The following KCNQ1 variants were observed in gnomAD, a reference collection of about 807,000 sequenced individuals.
The protein encoded by KCNQ1 is potassium voltage-gated channel subfamily KQT member 1.
Under a neutral mutation model 72.4 loss-of-function variants are expected in KCNQ1, and 49 were observed. The ratio of observed to expected loss-of-function variants is 0.68; its 90% CI spans 0.54 to 0.86. KCNQ1 has a LOEUF of 0.86. Ranked by LOEUF, KCNQ1 falls within the 40% of genes least tolerant of loss-of-function variation. KCNQ1 has a pLI of 0.00. For synonymous variants in KCNQ1, 450 were observed against 412.6 expected, an observed-to-expected ratio of 1.09 and a Z score of -1.10; for missense variants, 790 against 945.1, an observed-to-expected ratio of 0.84 and a Z score of 2.15.
intron 11 of KCNQ1, among the ~76,000 whole-genome samples, chr11:2,714,613 A>G (rs187507700): frequency 7.0e-4 from 106 of 152,288 alleles, no homozygotes; most frequent in African/African-American, 2.3e-3. Flanking sequence ...CAGGCTTCAC[A>G]GAGGTGGAAT....
Position 2,621,219 on chromosome 11 carries a change from C to T in KCNQ1, c.1393+32365C>T. On this transcript the variant is annotated intron_variant, in intron 10 of 15. Coordinates refer to ENST00000155840, the MANE Select transcript of KCNQ1 (RefSeq NM_000218.3). The surrounding 1 kb of genome is among the most constrained non-coding windows in gnomAD (Gnocchi z 5.7). ...TCTCGAATACCTGACCCCAGATGAT[C>T]CACGCACCTCAGCCTCCCAAAGTGC... is the stretch of plus-strand genomic sequence containing the variant. 5.0e-6 allele frequency: 2 copies of T among 397,812 alleles called. No homozygotes were observed. Among genetic ancestry groups the T allele is most frequent in the East Asian group, 3.6e-5 (1 of 28,064 alleles). 24.6% of individuals were successfully genotyped at this position (397,812 alleles called of 1,614,324 possible). A position where few individuals can be genotyped will look rare whatever the true frequency, so the allele number is the denominator to read the frequency against.
In KCNQ1 at chr11:2,696,304, T is replaced by C. The variant is rs1016127152; in HGVS notation, c.1514+34223T>C. 17 of 398,524 alleles carry C rather than the reference T, an allele frequency of 4.3e-5. No homozygotes were observed. The Admixed American group carries it at 6.6e-4, about 15-fold the overall frequency. 24.7% of individuals were successfully genotyped at this position (398,524 alleles called of 1,614,324 possible). A position where few individuals can be genotyped will look rare whatever the true frequency, so the allele number is the denominator to read the frequency against. On this transcript the variant is annotated intron_variant, in intron 11 of 15. Coordinates refer to ENST00000155840, the MANE Select transcript of KCNQ1 (RefSeq NM_000218.3). ...CTTTTCCTAGGGGCTCAGTTAGGAA[T>C]CCATATTCCTATTCCTCCATTTTAG...
Position 2,617,383 on chromosome 11 carries a change from C to T in KCNQ1, c.1393+28529C>T. On this transcript the variant is annotated intron_variant, in intron 10 of 15. Transcript: ENST00000155840. The surrounding 1 kb of genome is among the most constrained non-coding windows in gnomAD (Gnocchi z 4.6). ...TTAGCACAATGTCTTCCAGTTTCAT[C>T]CATGTGGCAAGTGGCAGGATCTCCT... 3 of 398,384 alleles carry T rather than the reference C, an allele frequency of 7.5e-6. No homozygotes were observed. The highest frequency in any genetic ancestry group is 3.6e-5 in the East Asian group (1 of 28,060). The allele number at this position is 398,384 out of a possible 1,614,324, so 24.7% of individuals were successfully genotyped here.
chr11:2,473,462 T>G lies in KCNQ1; in HGVS notation c.386+27978T>G, dbSNP rs7126330. 0.53 allele frequency among the ~76,000 whole-genome samples: 80,354 copies of G among 151,618 alleles called. 22,976 individuals carry two copies. Among genetic ancestry groups the G allele is most frequent in the Non-Finnish European group, 0.64 (43,359 of 67,882 alleles). On this transcript the variant is annotated intron_variant, in intron 1 of 15. Coordinates refer to ENST00000155840, the MANE Select transcript of KCNQ1 (RefSeq NM_000218.3). The surrounding 1 kb of genome is among the most constrained non-coding windows in gnomAD (Gnocchi z 6.0). The stretch of plus-strand genomic sequence containing the variant: ...GGCTGGGCCCTCCCAGGTGAGCGGG[T>G]TGGGAAAGGAAAGGGTCTGTGCTGG...
intron 10 of KCNQ1, among the ~76,000 whole-genome samples, chr11:2,606,728 C>G (rs529535639): frequency 2.6e-5 from 4 of 152,256 alleles, no homozygotes; most frequent in African/African-American, 9.6e-5. Flanking sequence ...CCAAATAGTT[C>G]TACTTCTTTC....
chr11:2,599,217 A>G lies in KCNQ1; in HGVS notation c.1393+10363A>G, dbSNP rs574739250. On this transcript the variant is annotated intron_variant, in intron 10 of 15. Transcript: ENST00000155840. This position sits in a 1 kb window ranked among gnomAD's most constrained non-coding sequence, Gnocchi z 4.7. ...TTCAATGAAATAAAATACATGTGAC[A>G]TAATGAAGGCATTATCATTGTTTTC... Among the ~76,000 whole-genome samples, 64 of 152,352 alleles carry G rather than the reference A, an allele frequency of 4.2e-4. No individual in the cohort carries two copies. In the South Asian group the frequency reaches 0.012, roughly 28 times the overall value.
rs910589695 is a variant in KCNQ1 at position 2,446,750 on chromosome 11, C to T, written c.386+1266C>T. 1.3e-5 allele frequency among the ~76,000 whole-genome samples: 2 copies of T among 152,214 alleles called. No homozygotes were observed. The highest frequency in any genetic ancestry group is 4.8e-5 in the African/African-American group (2 of 41,440). On this transcript the variant is annotated intron_variant, in intron 1 of 15. Transcript: ENST00000155840. The surrounding 1 kb of genome is among the most constrained non-coding windows in gnomAD (Gnocchi z 8.8). Reference sequence around the variant, plus strand: ...TGATCTTGGAGACTTTTCCCCACCCCAGCTCCCAAGCCCCTGTCTCCTGAC... The same window carrying T: ...TGATCTTGGAGACTTTTCCCCACCCTAGCTCCCAAGCCCCTGTCTCCTGAC...
chr11:2,687,248 C>A lies in KCNQ1; in HGVS notation c.1514+25167C>A. On this transcript the variant is annotated intron_variant, in intron 11 of 15. Coordinates refer to ENST00000155840, the MANE Select transcript of KCNQ1 (RefSeq NM_000218.3). The surrounding 1 kb of genome is among the most constrained non-coding windows in gnomAD (Gnocchi z 5.0). ...AATTTTCACTCAGCCAGCATCACTA[C>A]CAGCTCCGGGCTTCTCTCCTCTGGC... 2.5e-6 allele frequency: 1 copy of A among 398,662 alleles called. No homozygotes were observed. The allele number at this position is 398,662 out of a possible 1,614,324, so 24.7% of individuals were successfully genotyped here. A position where few individuals can be genotyped will look rare whatever the true frequency, so the allele number is the denominator to read the frequency against.
At chr11:2,637,211 T>A (rs558860775) in intron 10 of KCNQ1, 2 of 152,334 alleles carry the variant, frequency 1.3e-5, no homozygotes, top group Non-Finnish European at 2.9e-5. Flanking sequence ...AGTTATTTCT[T>A]GCCTTCTGCT....
chr11:2,747,661 T>TG (rs1222123066), intron 11 of KCNQ1, among the ~76,000 whole-genome samples: 1 of 152,150 alleles, frequency 6.6e-6, no homozygotes, highest in Non-Finnish European at 1.5e-5. Flanking sequence ...AAGATGGCTT[T>TG]GGGGGTGGAC....
chr11:2,641,056 A>G, intron 10 of KCNQ1: 1 of 398,294 alleles, frequency 2.5e-6, no homozygotes. Context: ...TTCTTTTTCC[A>G]TTTATCCACT....
rs1849158177 is a variant in KCNQ1, at chr11:2,620,891, G to A, written c.1393+32037G>A. The A allele has an allele frequency of 2.5e-6, 1 of 396,440 alleles. No homozygotes were observed. The highest frequency in any genetic ancestry group is 1.3e-4 in the South Asian group (1 of 7,812). The allele number at this position is 396,440 out of a possible 1,614,324, so 24.6% of individuals were successfully genotyped here. A position where few individuals can be genotyped will look rare whatever the true frequency, so the allele number is the denominator to read the frequency against. ...TTTTTAATAATTGCCATTCTGACTG[G>A]TGTGAGATGGCATCCCATTATGGTT... On this transcript the variant is annotated intron_variant, in intron 10 of 15. Transcript: ENST00000155840. This position sits in a 1 kb window ranked among gnomAD's most constrained non-coding sequence, Gnocchi z 4.5.
chr11:2,506,106 C>G (rs1467148419), intron 1 of KCNQ1, among the ~76,000 whole-genome samples: 1 of 152,230 alleles, frequency 6.6e-6, no homozygotes, highest in Non-Finnish European at 1.5e-5. Flanking sequence ...CGGCACTGTT[C>G]ACCGGAGCCT....
rs1849206301 is a variant in KCNQ1 at position 2,623,391 on chromosome 11, C to G, written c.1393+34537C>G. Reference sequence around the variant, plus strand: ...ATTTACATATATTTGTACATTTTCACTGCCCTAAAAGTACTCTGTGCACTG... The same window carrying G: ...ATTTACATATATTTGTACATTTTCAGTGCCCTAAAAGTACTCTGTGCACTG... On this transcript the variant is annotated intron_variant, in intron 10 of 15. Transcript: ENST00000155840. The surrounding 1 kb of genome is among the most constrained non-coding windows in gnomAD (Gnocchi z 5.2). The G allele has an allele frequency of 2.5e-6, 1 of 398,472 alleles. No homozygotes were observed. Among genetic ancestry groups the G allele is most frequent in the African/African-American group, 2.1e-5 (1 of 48,620 alleles). The allele number at this position is 398,472 out of a possible 1,614,324, so 24.7% of individuals were successfully genotyped here.
intron 10 of KCNQ1, chr11:2,622,745 G>T (rs1232641117): frequency 7.5e-6 from 3 of 398,402 alleles, no homozygotes; most frequent in Non-Finnish European, 1.3e-5. Context: ...GCAGTTTTAG[G>T]GTTCCAGCAA....
intron 11 of KCNQ1, among the ~76,000 whole-genome samples, chr11:2,728,488 T>G (rs1384467938): frequency 6.6e-6 from 1 of 152,270 alleles, no homozygotes; most frequent in African/African-American, 2.4e-5. Context: ...CTACTAATTC[T>G]GCAGCCTCTG....
intron 15 of KCNQ1, among the ~76,000 whole-genome samples, chr11:2,814,983 G>A (rs234844): frequency 6.6e-6 from 1 of 152,112 alleles, no homozygotes; most frequent in Non-Finnish European, 1.5e-5. Flanking sequence ...ATGCCCTTCT[G>A]AGGCCTGCTC....
At chr11:2,837,172 A>T (rs1848084884) in intron 15 of KCNQ1, among the ~76,000 whole-genome samples, 1 of 152,138 alleles carries the variant, frequency 6.6e-6, no homozygotes, top group Non-Finnish European at 1.5e-5. Flanking sequence ...CAGAGAGAGG[A>T]CACCGTCTTG....
At position 2,565,883 on chromosome 11, in the gene KCNQ1, G is replaced by A. The variant is rs1211007772; in HGVS notation, c.478-4745G>A. ...TTGTCCCAGGCCCTTCACTGGGTCT[G>A]GAGGAAGGAGGGTGCTGTGGTCCTG... On this transcript the variant is annotated intron_variant, in intron 2 of 15. Coordinates refer to ENST00000155840, the MANE Select transcript of KCNQ1 (RefSeq NM_000218.3). The surrounding 1 kb of genome is among the most constrained non-coding windows in gnomAD (Gnocchi z 5.6). Among the ~76,000 whole-genome samples, 2 of 152,216 alleles carry A rather than the reference G, an allele frequency of 1.3e-5. No individual in the cohort carries two copies. Among genetic ancestry groups the A allele is most frequent in the African/African-American group, 4.8e-5 (2 of 41,446 alleles).
Sources: gnomAD v4.1 joint callset for allele counts (sites outside exome capture counted in the v4.1 genomes callset) on GRCh38, gnomAD v4.1.1 for gene constraint, Gnocchi (gnomAD v3.1) non-coding constraint, MANE v1.5 for transcripts, NCBI Gene and HGNC (gene_info 2026-07-23, HGNC 2026-07-21) for gene names.